OVCH2: variants seen among roughly 807,000 people sequenced by gnomAD.
The protein encoded by OVCH2 is ovochymase-2.
A neutral mutation model predicts 73.7 loss-of-function variants in OVCH2; 88 were observed. The observed-to-expected ratio is 1.19, with a 90% CI of 1.01 to 1.43. The LOEUF (loss-of-function observed/expected upper bound fraction) is 1.43. Among genes scored for constraint, OVCH2 ranks in the 40% most tolerant of loss-of-function variants. The probability of loss-of-function intolerance (pLI) is 0.00; values close to 1 mark genes in which losing one functional copy is unlikely to be tolerated. For synonymous variants in OVCH2, 265 were observed against 234.5 expected, an observed-to-expected ratio of 1.13 and a Z score of -1.19; for missense variants, 706 against 674.5, an observed-to-expected ratio of 1.05 and a Z score of -0.52.
rs1229842940 is a variant in OVCH2, at chr11:7,693,052, A to G, written c.1414-1057T>C. Among the ~76,000 whole-genome samples the G allele has an allele frequency of 4.6e-5, 7 of 152,226 alleles. No individual in the cohort carries two copies. The East Asian group carries it at 1.3e-3, about 29-fold the overall frequency. On this transcript the variant is annotated intron_variant, in intron 12 of 15. Coordinates refer to ENST00000533663, the MANE Select transcript of OVCH2 (RefSeq NM_198185.7). Reference sequence around the variant, plus strand: ...CTATCTAGATAGAAGGAACAGTGTGAAGGAGAAACAAAGAAACAATAAAGA... The same window carrying G: ...CTATCTAGATAGAAGGAACAGTGTGGAGGAGAAACAAAGAAACAATAAAGA...
rs145505445 is a variant in OVCH2, at chr11:7,704,475, G to T, written c.198+90C>A. The T allele has an allele frequency of 1.4e-5, 12 of 842,674 alleles. No individual in the cohort carries two copies. The East Asian group carries it at 2.8e-4, about 19-fold the overall frequency. 52.2% of individuals were successfully genotyped at this position (842,674 alleles called of 1,614,324 possible). ...GTCTTTCAACCCAACTAGGCTGTAG[G>T]CTCCTCAAAGATATAAACTTAACCT... On this transcript the variant is annotated intron_variant, in intron 2 of 15. Transcript: ENST00000533663.
At chr11:7,679,765 T>TC in the OVCH2 span, among the ~76,000 whole-genome samples, 1 of 152,206 alleles carries the variant, frequency 6.6e-6, no homozygotes, top group African/African-American at 2.4e-5. Context: ...ACCTTCAGCA[T>TC]CCCACTCTCC....
At chr11:7,683,905 T>C in the OVCH2 span, among the ~76,000 whole-genome samples, 1 of 151,810 alleles carries the variant, frequency 6.6e-6, no homozygotes, top group Non-Finnish European at 1.5e-5. Context: ...CTGACCATAC[T>C]TTTTTTTACA....
intron 1 of OVCH2, 99 bp from the exon 2 acceptor site, chr11:7,704,773 T>C (rs1360621617): frequency 5.4e-6 from 4 of 734,280 alleles, no homozygotes; most frequent in Non-Finnish European, 9.3e-6. Flanking sequence ...GAGACTATGG[T>C]GTATGGTGCT....
At chr11:7,702,077 A>C in intron 4 of OVCH2, 80 bp downstream of exon 4, 2 of 1,270,826 alleles carry the variant, frequency 1.6e-6, no homozygotes, top group Non-Finnish European at 2.2e-6. Flanking sequence ...CCCAGAACGT[A>C]TACTGCAGGA....
At chr11:7,681,384 T>C in the OVCH2 span, among the ~76,000 whole-genome samples, 1 of 152,200 alleles carries the variant, frequency 6.6e-6, no homozygotes, top group Non-Finnish European at 1.5e-5. Context: ...GCAACATAAA[T>C]GTGCCCATGG....
At chr11:7,679,662 A>G in the OVCH2 span, among the ~76,000 whole-genome samples, 1 of 152,236 alleles carries the variant, frequency 6.6e-6, no homozygotes. Flanking sequence ...CTGTGAGTCA[A>G]TTAAACCTCT....
chr11:7,691,471 A>G, intron 13 of OVCH2, 71 bp from the exon 14 acceptor site: 2 of 1,520,168 alleles, frequency 1.3e-6, no homozygotes, highest in South Asian at 2.5e-5. Flanking sequence ...GGAGAGAAGA[A>G]AAAAAGAAAA....
downstream of OVCH2, among the ~76,000 whole-genome samples, chr11:7,685,731 C>A (rs1856135580): frequency 6.6e-6 from 1 of 152,030 alleles, no homozygotes; most frequent in South Asian, 2.1e-4. Context: ...CTTGTGTCTT[C>A]AATGAAGCTG....
rs768861383 is a variant in OVCH2 at position 7,696,791 on chromosome 11, T to C, written c.934A>G (p.Ser312Gly). 14 of 1,607,904 alleles carry C rather than the reference T, an allele frequency of 8.7e-6. No individual in the cohort carries two copies. The highest frequency in any genetic ancestry group is 1.7e-4 in the Middle Eastern group (1 of 6,006). Reference sequence around the variant, plus strand: ...CCGCTGACTATGACATCCTGCTCACTGCACCAGGCTGGGAGGGAAAGCCAG... The same window carrying C: ...CCGCTGACTATGACATCCTGCTCACCGCACCAGGCTGGGAGGGAAAGCCAG... ...NRRKSSRAWC[S>G]EQDVIVSGAE... is the part of the protein sequence containing the mutation. The change falls in exon 9 of 16, where the codon AGT (serine) becomes GGT (glycine). Residue 312 changes from serine (S) to glycine (G), a missense_variant. Physicochemically the swap from Ser to Gly is moderately conservative, Grantham distance 56. Transcript: ENST00000533663.
At position 7,696,355 on chromosome 11, in the gene OVCH2, G is replaced by T; in HGVS notation, c.1141+110C>A. ...CCCAATTCTGAGTCTCAAAGCGGAAGTCAAGAAGTGTGGCATTTACAGATG... is the reference window on the plus strand; with the variant it reads ...CCCAATTCTGAGTCTCAAAGCGGAATTCAAGAAGTGTGGCATTTACAGATG... On this transcript the variant is annotated intron_variant, in intron 10 of 15. Coordinates refer to ENST00000533663, the MANE Select transcript of OVCH2 (RefSeq NM_198185.7). The T allele has an allele frequency of 2.8e-6, 4 of 1,439,834 alleles. No individual in the cohort carries two copies. In the East Asian group the frequency reaches 7.0e-5, roughly 25 times the overall value. 89.2% of individuals were successfully genotyped at this position (1,439,834 alleles called of 1,614,324 possible).
Position 7,700,345 on chromosome 11 carries a change from G to A in OVCH2, c.852C>T (p.Phe284=). The A allele has an allele frequency of 6.2e-7, 1 of 1,613,840 alleles. No individual in the cohort carries two copies. Among genetic ancestry groups the A allele is most frequent in the Non-Finnish European group, 8.5e-7 (1 of 1,179,844 alleles). Residue 284 remains phenylalanine, a synonymous_variant, in exon 7 of 16, where the codon TTC becomes TTT. Transcript: ENST00000533663. ...AGGGAAGCACTTTACTAATGTCTGT[G>A]AAGATCCCAGGGGATCCTTGATCAC... ...RKSDQGSPGI[F]TDISKVLPWI... is the part of the protein sequence containing the mutation.
Position 7,704,597 on chromosome 11 carries a change from T to C in OVCH2, c.166A>G (p.Ser56Gly). ...FNIFSRILGGSQVEKGSYPWQ... is the reference protein window; with the variant it reads ...FNIFSRILGGGQVEKGSYPWQ... ...GGATAGGAACCCTTCTCCACTTGGCTTCCTCCAAGAATGCGACTGAAAATG... is the reference window on the plus strand; with the variant it reads ...GGATAGGAACCCTTCTCCACTTGGCCTCCTCCAAGAATGCGACTGAAAATG... Residue 56 changes from serine to glycine, a missense_variant, in exon 2 of 16, where the codon AGC (serine) becomes GGC (glycine). By Grantham distance (56) the Ser-to-Gly change is moderately conservative. Transcript: ENST00000533663. The C allele has an allele frequency of 6.2e-7, 1 of 1,612,614 alleles. No individual in the cohort carries two copies. Among genetic ancestry groups the C allele is most frequent in the Non-Finnish European group, 8.5e-7 (1 of 1,179,234 alleles).
At chr11:7,683,986 G>A in the OVCH2 span, among the ~76,000 whole-genome samples, 1 of 149,566 alleles carries the variant, frequency 6.7e-6, no homozygotes, top group African/African-American at 2.5e-5. Context: ...ATCATTTATT[G>A]CCATCTGGCA....
At position 7,700,117 on chromosome 11, in the gene OVCH2, T is replaced by A. The variant is rs77571875; in HGVS notation, c.901+179A>T. ...TTGAATATCTGCATGCTGCTCCACA[T>A]ACCATATTTTACTCTTGTTTTATTT... On this transcript the variant is annotated intron_variant, in intron 7 of 15. Coordinates refer to ENST00000533663, the MANE Select transcript of OVCH2 (RefSeq NM_198185.7). 3 of 611,754 alleles carry A rather than the reference T, an allele frequency of 4.9e-6. No individual in the cohort carries two copies. In the African/African-American group the frequency reaches 5.5e-5, roughly 11 times the overall value. 37.9% of individuals were successfully genotyped at this position (611,754 alleles called of 1,614,324 possible). A position where few individuals can be genotyped will look rare whatever the true frequency, so the allele number is the denominator to read the frequency against.
intron 13 of OVCH2, 25 bp from the exon 14 acceptor site, chr11:7,691,425 G>T: frequency 6.2e-7 from 1 of 1,604,684 alleles, no homozygotes; most frequent in East Asian, 2.2e-5. Context: ...GCCCAGGCAT[G>T]ACATTGTCAA....
Position 7,696,485 on chromosome 11 carries a change from G to C in OVCH2, c.1121C>G (p.Ser374Cys). 2 of 1,614,002 alleles carry C rather than the reference G, an allele frequency of 1.2e-6. No homozygotes were observed. Among genetic ancestry groups the C allele is most frequent in the Non-Finnish European group, 1.7e-6 (2 of 1,179,888 alleles). ...CTCACCAATGGGTCTGTCTTCTAAA[G>C]AATACATTGACAGGTAACTGTGGTG... The part of the protein sequence containing the change: ...SCHHSYLSMY[S>C]LEDRPIGKFC... The change falls in exon 10 of 16, where the codon TCT becomes TGT. Residue 374 changes from serine (S) to cysteine (C), a missense_variant. Physicochemically the swap from Ser to Cys is moderately radical, Grantham distance 112. Coordinates refer to ENST00000533663, the MANE Select transcript of OVCH2 (RefSeq NM_198185.7).
intron 1 of OVCH2, among the ~76,000 whole-genome samples, chr11:7,704,959 T>G (rs757219085): frequency 6.6e-6 from 1 of 152,152 alleles, no homozygotes; most frequent in African/African-American, 2.4e-5. Context: ...GTAAAATACT[T>G]TATCCCTGAA....
chr11:7,687,864 C>T (rs4497396), downstream of OVCH2, among the ~76,000 whole-genome samples: 56,012 of 151,810 alleles, frequency 0.37, 12,206 homozygotes, highest in African/African-American at 0.61. Context: ...TTGCAGATGT[C>T]TGTCTTCTTG....
Sources: gnomAD v4.1 joint callset for allele counts (sites outside exome capture counted in the v4.1 genomes callset) on GRCh38, gnomAD v4.1.1 for gene constraint, MANE v1.5 for transcripts, NCBI Gene and HGNC (gene_info 2026-07-23, HGNC 2026-07-21) for gene names.